Variants in UBAP1 observed in about 807,000 individuals in gnomAD.
The protein encoded by UBAP1 is ubiquitin associated protein 1, also known as ubiquitin-associated protein 1.
A neutral mutation model predicts 39.0 loss-of-function variants in UBAP1; 5 were observed. That is an observed-to-expected ratio of 0.13 (90% confidence interval 0.07 to 0.27). The LOEUF is 0.27. Among genes scored for constraint, UBAP1 ranks in the 10% least tolerant of loss-of-function variants. The probability of loss-of-function intolerance (pLI) is 1.00; values close to 1 mark genes in which losing one functional copy is unlikely to be tolerated. For missense variants in UBAP1, 490 were observed against 608.1 expected, an observed-to-expected ratio of 0.81 and a Z score of 2.04; for synonymous variants, 211 against 225.1, an observed-to-expected ratio of 0.94 and a Z score of 0.56.
chr9:34,188,372 T>C (rs908505533), intron 1 of UBAP1, among the ~76,000 whole-genome samples: 2 of 148,652 alleles, frequency 1.3e-5, no homozygotes, highest in African/African-American at 4.9e-5. Flanking sequence ...GATGGGTAAA[T>C]AGAAGAGAGC....
At chr9:34,231,127 A>ATGTGTGTGTGTGTGTGTGTGTGTG (rs6150983) in intron 2 of UBAP1, among the ~76,000 whole-genome samples, 2 of 137,026 alleles carry the variant, frequency 1.5e-5, no homozygotes, top group African/African-American at 5.5e-5. Context: ...TAAAAAAATT[A>ATGTGTGTGTGTGTGTGTGTGTGTG]TGTGTGTGTG....
intron 1 of UBAP1, among the ~76,000 whole-genome samples, chr9:34,184,323 C>CT (rs541477443): frequency 1.1e-3 from 159 of 145,762 alleles, no homozygotes; most frequent in Middle Eastern, 3.5e-3. Context: ...ACTTTCTTTC[C>CT]TTTTTTTTTT....
intron 1 of UBAP1, among the ~76,000 whole-genome samples, chr9:34,199,362 C>G (rs1020270754): frequency 6.6e-6 from 1 of 152,180 alleles, no homozygotes; most frequent in Non-Finnish European, 1.5e-5. Flanking sequence ...CATGAGCCAC[C>G]GCGCCCAGCC....
At chr9:34,232,918 G>T (rs1833502131) in intron 2 of UBAP1, among the ~76,000 whole-genome samples, 1 of 152,166 alleles carries the variant, frequency 6.6e-6, no homozygotes, top group Non-Finnish European at 1.5e-5. Flanking sequence ...CTCCAGAAAA[G>T]AAAACATGGC....
chr9:34,200,368 C>CT (rs1160361444), intron 1 of UBAP1, among the ~76,000 whole-genome samples: 1 of 152,200 alleles, frequency 6.6e-6, no homozygotes, highest in Non-Finnish European at 1.5e-5. Flanking sequence ...GCTTGTTTCT[C>CT]TGTCAGTCTG....
rs1563881088 is a variant in UBAP1, at chr9:34,182,654, T to TC, written c.-8+3415dup. Among the ~76,000 whole-genome samples the TC allele has an allele frequency of 9.3e-5, 6 of 64,550 alleles. No individual in the cohort carries two copies. In the Admixed American group the frequency reaches 1.0e-3, roughly 11 times the overall value. 42.3% of individuals were successfully genotyped at this position (64,550 alleles called of 152,430 possible). The stretch of plus-strand genomic sequence containing the variant: ...TTCTTTCTTTCTTTCTTTCTTTCTT[T>TC]CTTTCTTTCTTTCTTTCTTTCTTTC... On this transcript the variant is annotated intron_variant, in intron 1 of 6. Coordinates refer to ENST00000297661, the MANE Select transcript of UBAP1 (RefSeq NM_016525.5).
At chr9:34,203,223 T>A (rs1294226576) in intron 1 of UBAP1, among the ~76,000 whole-genome samples, 2 of 152,158 alleles carry the variant, frequency 1.3e-5, no homozygotes, top group Non-Finnish European at 2.9e-5. Flanking sequence ...GGCAGGAAGA[T>A]CTTTTGGGCT....
At chr9:34,223,906 G>A (rs527402122) in intron 2 of UBAP1, 1 of 264,688 alleles carries the variant, frequency 3.8e-6, no homozygotes, top group Non-Finnish European at 7.3e-6. Flanking sequence ...TTTTGTTTTT[G>A]TTTTTTTGTT....
Position 34,213,653 on chromosome 9 carries a change from A to G in UBAP1, c.-7-7255A>G, listed in dbSNP as rs192488762. 2.0e-5 allele frequency among the ~76,000 whole-genome samples: 3 copies of G among 152,320 alleles called. No homozygotes were observed. The East Asian group carries it at 5.8e-4, about 29-fold the overall frequency. On this transcript the variant is annotated intron_variant, in intron 1 of 6. Coordinates refer to ENST00000297661, the MANE Select transcript of UBAP1 (RefSeq NM_016525.5). The stretch of plus-strand genomic sequence containing the variant: ...TCTCACCACTCCTCTTCAACATAGT[A>G]CTGGAAGTCCTAGCCAGAACATTCA...
At chr9:34,223,488 T>C (rs1349531146) in intron 2 of UBAP1, among the ~76,000 whole-genome samples, 1 of 152,100 alleles carries the variant, frequency 6.6e-6, no homozygotes, top group East Asian at 1.9e-4. Context: ...AGAGTCTCGC[T>C]CTGTCGCCCA....
intron 1 of UBAP1, among the ~76,000 whole-genome samples, chr9:34,189,228 G>A (rs756693454): frequency 2.9e-4 from 43 of 147,996 alleles, no homozygotes; most frequent in African/African-American, 1.1e-3. Flanking sequence ...TTGCTGTGTC[G>A]CCTAGCTTGG....
intron 1 of UBAP1, among the ~76,000 whole-genome samples, chr9:34,196,789 A>G (rs1174215008): frequency 4.0e-5 from 6 of 151,462 alleles, no homozygotes; most frequent in Admixed American, 2.0e-4. Flanking sequence ...GAAATTCTCT[A>G]TTGAATTATT....
chr9:34,217,449 T>A (rs1247229894), intron 1 of UBAP1, among the ~76,000 whole-genome samples: 2 of 152,182 alleles, frequency 1.3e-5, no homozygotes, highest in Non-Finnish European at 1.5e-5. Context: ...TTGGCCAGGC[T>A]GGTCTCGAAT....
intron 3 of UBAP1, among the ~76,000 whole-genome samples, chr9:34,239,378 G>C (rs763488739): frequency 7.9e-5 from 12 of 152,240 alleles, no homozygotes; most frequent in Non-Finnish European, 1.5e-4. Flanking sequence ...TGGGGTTGTA[G>C]TGTTGTATCT....
chr9:34,217,103 A>T (rs1420982122), intron 1 of UBAP1, among the ~76,000 whole-genome samples: 2 of 151,890 alleles, frequency 1.3e-5, no homozygotes, highest in Non-Finnish European at 2.9e-5. Context: ...TTTGCTATTT[A>T]TTTATGATAA....
chr9:34,226,113 G>GTGTGTGTGTGTGTGTGTT (rs1833046394), intron 2 of UBAP1, among the ~76,000 whole-genome samples: 2 of 89,294 alleles, frequency 2.2e-5, no homozygotes, highest in African/African-American at 6.5e-5. Context: ...TATTGTGTGT[G>GTGTGTGTGTGTGTGTGTT]TGTGTGTGTG....
intron 4 of UBAP1, among the ~76,000 whole-genome samples, chr9:34,243,175 C>T (rs1025469149): frequency 6.6e-6 from 1 of 152,158 alleles, no homozygotes; most frequent in African/African-American, 2.4e-5. Context: ...CACTGTACTT[C>T]TTCCTTTTCA....
At chr9:34,231,628 ATTTTTTTGTTTTT>A (rs1261466488) in intron 2 of UBAP1, among the ~76,000 whole-genome samples, 2 of 141,446 alleles carry the variant, frequency 1.4e-5, no homozygotes, top group African/African-American at 5.1e-5. Context: ...GACACTCAAA[ATTTTTTTGTTTTT>A]TTTTTTTGTT....
intron 3 of UBAP1, among the ~76,000 whole-genome samples, chr9:34,235,445 T>C (rs1158505260): frequency 1.3e-5 from 2 of 151,916 alleles, no homozygotes; most frequent in Non-Finnish European, 2.9e-5. Flanking sequence ...TTCACACCAT[T>C]CTCCTGCCTC....
Sources: allele counts gnomAD v4.1 joint callset (sites outside exome capture counted in the v4.1 genomes callset), GRCh38; gene constraint gnomAD v4.1.1; transcripts MANE v1.5; gene names NCBI Gene and HGNC (gene_info 2026-07-23, HGNC 2026-07-21).